DNAAF9: variants seen among roughly 807,000 people sequenced by gnomAD.
DNAAF9 encodes the protein shulin.
Under a neutral mutation model 167.0 loss-of-function variants are expected in DNAAF9, and 90 were observed. The ratio of observed to expected loss-of-function variants is 0.54; its 90% CI spans 0.45 to 0.64. DNAAF9 has a LOEUF of 0.64. Ranked by LOEUF, DNAAF9 falls within the 30% of genes least tolerant of loss-of-function variation. The pLI is 0.00. For synonymous variants in DNAAF9, 491 were observed against 508.8 expected (o/e 0.96, Z 0.47); for missense variants, 1,315 against 1,442.2 (o/e 0.91, Z 1.43).
intron 25 of DNAAF9, among the ~76,000 whole-genome samples, chr20:3,291,982 T>C (rs1421323161): frequency 2.6e-5 from 4 of 151,722 alleles, no homozygotes; most frequent in Admixed American, 2.6e-4. Context: ...GTTTTTACTT[T>C]AAGGCCAATC....
At chr20:3,343,217 CA>C (rs1462719371) in intron 9 of DNAAF9, among the ~76,000 whole-genome samples, 2 of 152,166 alleles carry the variant, frequency 1.3e-5, no homozygotes, top group African/African-American at 4.8e-5. Flanking sequence ...GGCTGAAGTA[CA>C]ATGGCACGAT....
intron 6 of DNAAF9, among the ~76,000 whole-genome samples, chr20:3,370,288 T>C (rs1189036050): frequency 6.6e-6 from 1 of 152,228 alleles, no homozygotes; most frequent in African/African-American, 2.4e-5. Context: ...TCTCACTCTG[T>C]TGCTCAGGCT....
At chr20:3,296,384 GT>G (rs113181466) in intron 23 of DNAAF9, 1,907 of 267,012 alleles carry the variant, frequency 7.1e-3, no homozygotes, top group South Asian at 0.015. Context: ...GACATTTTTC[GT>G]TTTTTTTTTT....
chr20:3,327,657 T>G (rs1391185909), intron 12 of DNAAF9, among the ~76,000 whole-genome samples: 2 of 152,218 alleles, frequency 1.3e-5, no homozygotes, highest in Non-Finnish European at 2.9e-5. Context: ...TCCTCTCATC[T>G]TATAGAAGAA....
intron 20 of DNAAF9, among the ~76,000 whole-genome samples, chr20:3,312,177 G>A (rs935881620): frequency 7.2e-5 from 11 of 152,000 alleles, no homozygotes; most frequent in African/African-American, 2.4e-4. Flanking sequence ...TAGTAGAGAC[G>A]GGGTTTCTCC....
intron 14 of DNAAF9, among the ~76,000 whole-genome samples, chr20:3,323,239 ACC>A (rs2069648974): frequency 1.3e-5 from 2 of 148,414 alleles, no homozygotes; most frequent in Admixed American, 1.4e-4. Context: ...AGATCTGCTA[ACC>A]TGAAGCAGTT....
chr20:3,376,738 T>C (rs6084356), intron 3 of DNAAF9, among the ~76,000 whole-genome samples: 65,916 of 151,986 alleles, frequency 0.43, 14,350 homozygotes, highest in Middle Eastern at 0.57. Context: ...TGACTGGCAA[T>C]TGGTTGAAAG....
At chr20:3,298,780 G>A (rs1343336919) in intron 21 of DNAAF9, among the ~76,000 whole-genome samples, 1 of 152,060 alleles carries the variant, frequency 6.6e-6, no homozygotes, top group Non-Finnish European at 1.5e-5. Flanking sequence ...TGTTGATGGA[G>A]TCCAATTTAC....
At chr20:3,279,306 C>T (rs2068727692) in intron 28 of DNAAF9, among the ~76,000 whole-genome samples, 1 of 152,194 alleles carries the variant, frequency 6.6e-6, no homozygotes, top group African/African-American at 2.4e-5. Flanking sequence ...ATAAGAATTA[C>T]ACTCATCTAA....
chr20:3,287,344 C>T (rs1290272350), intron 27 of DNAAF9, among the ~76,000 whole-genome samples: 1 of 152,244 alleles, frequency 6.6e-6, no homozygotes, highest in African/African-American at 2.4e-5. Flanking sequence ...TTAGGGACCA[C>T]TACTGCTGCA....
Position 3,391,136 on chromosome 20 carries a change from C to G in DNAAF9, c.84-8630G>C, listed in dbSNP as rs376068119. Among the ~76,000 whole-genome samples the G allele has an allele frequency of 3.9e-5, 6 of 152,286 alleles. No homozygotes were observed. In the South Asian group the frequency reaches 6.2e-4, roughly 16 times the overall value. On this transcript the variant is annotated intron_variant, in intron 1 of 36. Transcript: ENST00000252032. ...TATAAAATGTAGAAAGACCTTCTTC[C>G]CAGAGATAAACACTGTCCTAATTAG...
intron 1 of DNAAF9, among the ~76,000 whole-genome samples, chr20:3,391,914 G>A (rs1417730622): frequency 6.6e-6 from 1 of 152,002 alleles, no homozygotes; most frequent in African/African-American, 2.4e-5. Flanking sequence ...TTCAAAGGGC[G>A]GGCACAGTGG....
Position 3,294,257 on chromosome 20 carries a change from C to G in DNAAF9, c.2121-1G>C. ...GCTGATGGCGAAATGCTGGAGAAAC[C>G]TAAAAACACAAAGACAATGCTATTA... On this transcript the variant is annotated splice_acceptor_variant, in intron 24 of 36. Coordinates refer to ENST00000252032, the MANE Select transcript of DNAAF9 (RefSeq NM_001009984.3). LOFTEE classifies it high-confidence loss of function. The G allele has an allele frequency of 6.3e-7, 1 of 1,591,028 alleles. No individual in the cohort carries two copies. The highest frequency in any genetic ancestry group is 8.6e-7 in the Non-Finnish European group (1 of 1,159,144).
chr20:3,392,216 A>G (rs2083836641), intron 1 of DNAAF9, among the ~76,000 whole-genome samples: 1 of 152,142 alleles, frequency 6.6e-6, no homozygotes, highest in Admixed American at 6.6e-5. Context: ...ATACCCAGCA[A>G]TGACACTGCC....
chr20:3,379,569 T>C (rs918479926), intron 3 of DNAAF9, among the ~76,000 whole-genome samples: 1 of 151,850 alleles, frequency 6.6e-6, no homozygotes, highest in Non-Finnish European at 1.5e-5. Context: ...GCCTGGGTGA[T>C]AGAGCGAGAC....
chr20:3,291,243 T>C (rs1363292462), intron 25 of DNAAF9, among the ~76,000 whole-genome samples: 1 of 151,716 alleles, frequency 6.6e-6, no homozygotes, highest in East Asian at 1.9e-4. Context: ...ATAAATTCAC[T>C]GAAAAAGGAG....
Position 3,304,519 on chromosome 20 carries a change from C to T in DNAAF9, c.1703G>A (p.Gly568Asp), listed in dbSNP as rs1600744242. The T allele has an allele frequency of 2.0e-6, 3 of 1,502,706 alleles. No homozygotes were observed. Among genetic ancestry groups the T allele is most frequent in the African/African-American group, 2.8e-5 (2 of 72,638 alleles). The allele number at this position is 1,502,706 out of a possible 1,614,324, so 93.1% of individuals were successfully genotyped here. A position where few individuals can be genotyped will look rare whatever the true frequency, so the allele number is the denominator to read the frequency against. The change falls in exon 21 of 37, where the codon GGC (glycine) becomes GAC (aspartate). Residue 568 changes from glycine (G) to aspartate (D), a missense_variant. Gly to Asp is a moderately conservative substitution (Grantham distance 94, BLOSUM62 -1). Transcript: ENST00000252032. ...EEGNVHFFSSGLLFSHCRHRS... is the reference protein window; with the variant it reads ...EEGNVHFFSSDLLFSHCRHRS... ...ATGACGACAGTGAGAAAACAGAAGGCCACTAGAGAAGAAATGAACATTCCC... is the reference window on the plus strand; with the variant it reads ...ATGACGACAGTGAGAAAACAGAAGGTCACTAGAGAAGAAATGAACATTCCC...
intron 6 of DNAAF9, among the ~76,000 whole-genome samples, chr20:3,367,633 C>T (rs1458907946): frequency 1.3e-5 from 2 of 151,890 alleles, no homozygotes; most frequent in African/African-American, 4.8e-5. Context: ...AAGCAAAAAA[C>T]GAGGGAACAG....
At chr20:3,279,420 A>G (rs1012116820) in intron 28 of DNAAF9, among the ~76,000 whole-genome samples, 1 of 152,218 alleles carries the variant, frequency 6.6e-6, no homozygotes, top group Non-Finnish European at 1.5e-5. Context: ...AAGGTGAATG[A>G]AAAGCAGGAA....
Sources: gnomAD v4.1 joint callset for allele counts (sites outside exome capture counted in the v4.1 genomes callset) on GRCh38, gnomAD v4.1.1 for gene constraint, MANE v1.5 for transcripts, NCBI Gene and HGNC (gene_info 2026-07-23, HGNC 2026-07-21) for gene names.